The following TPT1 variants were observed in gnomAD, a reference collection of about 807,000 sequenced individuals.
TPT1 encodes tumor protein, translationally-controlled 1.
A neutral mutation model predicts 22.8 loss-of-function variants in TPT1; 5 were observed. The ratio of observed to expected loss-of-function variants is 0.22; its 90% CI spans 0.11 to 0.46. The LOEUF is 0.46. TPT1 is among the 20% of genes least tolerant of loss of function. TPT1 has a pLI of 0.99. For synonymous variants in TPT1, 89 were observed against 73.6 expected, an observed-to-expected ratio of 1.21 and a Z score of -1.07; for missense variants, 130 against 218.7, an observed-to-expected ratio of 0.59 and a Z score of 2.56.
chr13:45,338,544 T>C, intron 5 of TPT1, 116 bp downstream of exon 5: 1 of 1,470,492 alleles, frequency 6.8e-7, no homozygotes, highest in Non-Finnish European at 9.0e-7. Context: ...AAGAGAAAAC[T>C]AAAACCATGT....
chr13:45,337,595 T>C lies in TPT1; in HGVS notation c.517-207A>G, dbSNP rs1166977461. The C allele has an allele frequency of 5.0e-6, 8 of 1,595,884 alleles. No homozygotes were observed. In the Admixed American group the frequency reaches 1.2e-4, roughly 23 times the overall value. ...GAACAACAGTAAATTGTTCAAGGTC[T>C]ATCAGTGGATGCAGAACACCCTTAC... On this transcript the variant is annotated intron_variant, in intron 5 of 5. Transcript: ENST00000530705.
At chr13:45,339,452 G>A (rs759775022) in intron 4 of TPT1, 45 bp downstream of exon 4, 1 of 1,548,066 alleles carries the variant, frequency 6.5e-7, no homozygotes, top group Non-Finnish European at 8.8e-7. Context: ...TGCTCTTGCA[G>A]TTAAAATTGT....
intron 5 of TPT1, 148 bp from the exon 6 acceptor site, chr13:45,337,536 A>G: frequency 6.2e-7 from 1 of 1,613,026 alleles, no homozygotes; most frequent in East Asian, 2.2e-5. Flanking sequence ...AAGCGCAGGG[A>G]TTTCTTTCTT....
intron 2 of TPT1, 153 bp from the exon 3 acceptor site, chr13:45,340,337 T>C (rs1436987060): frequency 9.4e-7 from 1 of 1,068,204 alleles, no homozygotes; most frequent in Admixed American, 2.1e-5. Context: ...CGTGGATTTC[T>C]CAAAACGACC....
intron 3 of TPT1, 147 bp from the exon 4 acceptor site, chr13:45,339,749 T>C: frequency 1.3e-6 from 1 of 780,496 alleles, no homozygotes; most frequent in Non-Finnish European, 2.0e-6. Flanking sequence ...AAGGTATCTT[T>C]CAAGAATGTT....
rs57569042 is a variant in TPT1 at position 45,338,063 on chromosome 13, AAGTG to A, written c.516+593_516+596del. On this transcript the variant is annotated intron_variant, in intron 5 of 5. Coordinates refer to ENST00000530705, the MANE Select transcript of TPT1 (RefSeq NM_003295.4). The stretch of plus-strand genomic sequence containing the variant: ...ACAGCAAAATATGATTATGAAGTGA[AAGTG>A]AGGCCATATCTAGAGGAAGATCAAT... 627 of 162,132 alleles carry A rather than the reference AAGTG, an allele frequency of 3.9e-3. 5 individuals are homozygous for A. Among genetic ancestry groups the A allele is most frequent in the African/African-American group, 0.015 (615 of 41,682 alleles). The allele number at this position is 162,132 out of a possible 1,614,324, so 10.0% of individuals were successfully genotyped here. A position where few individuals can be genotyped will look rare whatever the true frequency, so the allele number is the denominator to read the frequency against.
chr13:45,339,426 T>G, intron 4 of TPT1, 71 bp downstream of exon 4: 1 of 1,381,672 alleles, frequency 7.2e-7, no homozygotes, highest in Admixed American at 1.9e-5. Context: ...AATTGAAGAT[T>G]AATCAACTTA....
intron 4 of TPT1, chr13:45,339,159 T>TA: frequency 6.6e-6 from 2 of 301,336 alleles, no homozygotes; most frequent in Middle Eastern, 9.8e-4. Context: ...GCTGGAAAAT[T>TA]AGAGGAAAGG....
In TPT1 at chr13:45,337,351, G is replaced by A. The variant is rs1284431521; in HGVS notation, c.*35C>T. ...ATGACAAGCAGAAGCCAGTTATGAT[G>A]ACAGGTGATAGATCCAAAATAATTG... On this transcript the variant is annotated 3_prime_UTR_variant, in exon 6 of 6. Coordinates refer to ENST00000530705, the MANE Select transcript of TPT1 (RefSeq NM_003295.4). 1.2e-6 allele frequency: 2 copies of A among 1,609,302 alleles called. No homozygotes were observed. The highest frequency in any genetic ancestry group is 2.2e-5 in the East Asian group (1 of 44,848).
intron 4 of TPT1, chr13:45,339,123 T>C: frequency 3.3e-6 from 1 of 302,022 alleles, no homozygotes; most frequent in East Asian, 6.6e-5. Context: ...AGTCTGGAAG[T>C]ATCTTATGGC....
At chr13:45,338,316 C>T (rs1389817610) in intron 5 of TPT1, 3 of 290,262 alleles carry the variant, frequency 1.0e-5, no homozygotes, top group African/African-American at 4.4e-5. Flanking sequence ...GATAGGGTTT[C>T]GCCATGTTGG....
chr13:45,340,829 G>GCCATTTCCC (rs1879065683), intron 1 of TPT1, 44 bp from the exon 2 acceptor site: 1 of 1,494,116 alleles, frequency 6.7e-7, no homozygotes. Flanking sequence ...GCCTGGCGCC[G>GCCATTTCCC]CCATTTCCCG....
intron 2 of TPT1, 45 bp downstream of exon 2, chr13:45,340,667 C>A (rs746566881): frequency 6.5e-7 from 1 of 1,549,940 alleles, no homozygotes; most frequent in South Asian, 1.2e-5. Context: ...GAAACCCGAG[C>A]CCGCTCGGCC....
chr13:45,341,167 G>A lies in TPT1; in HGVS notation c.-98C>T, dbSNP rs1377007086. The A allele has an allele frequency of 7.1e-6, 11 of 1,539,026 alleles. No homozygotes were observed. The highest frequency in any genetic ancestry group is 9.7e-6 in the Non-Finnish European group (11 of 1,131,746). ...GCCGGAGCGGCGCTCGGGGGGAGGG[G>A]GGAGCGGGCGGAAAAGGCCGACTCA... is the stretch of plus-strand genomic sequence containing the variant. On this transcript the variant is annotated 5_prime_UTR_variant, in exon 1 of 6. Transcript: ENST00000530705.
chr13:45,341,111 C>G lies in TPT1; in HGVS notation c.-42G>C, dbSNP rs763788350. 11 of 1,609,896 alleles carry G rather than the reference C, an allele frequency of 6.8e-6. No individual in the cohort carries two copies. The highest frequency in any genetic ancestry group is 2.2e-5 in the East Asian group (1 of 44,666). On this transcript the variant is annotated 5_prime_UTR_variant, in exon 1 of 6. Coordinates refer to ENST00000530705, the MANE Select transcript of TPT1 (RefSeq NM_003295.4). The stretch of plus-strand genomic sequence containing the variant: ...AGACGACGACGGCGCTAGCTTAGCA[C>G]GAGCCTGAAACTCGGAGCGAGCGCG...
At position 45,334,312 on chromosome 13, in the gene TPT1, C is replaced by T. The variant is rs1878542432; in HGVS notation, c.*3074G>A. Reference sequence around the variant, plus strand: ...GTGCAGTGGGAGCACCTCTTAATTACCTTTGTTGGTTTCTCTTTGTCAACC... The same window carrying T: ...GTGCAGTGGGAGCACCTCTTAATTATCTTTGTTGGTTTCTCTTTGTCAACC... On this transcript the variant is annotated 3_prime_UTR_variant, in exon 6 of 6. Transcript: ENST00000530705. The T allele has an allele frequency of 6.6e-6, 1 of 152,230 alleles. No homozygotes were observed. Among genetic ancestry groups the T allele is most frequent in the Non-Finnish European group, 1.5e-5 (1 of 68,058 alleles). The allele number at this position is 152,230 out of a possible 1,614,324, so 9.4% of individuals were successfully genotyped here. A position where few individuals can be genotyped will look rare whatever the true frequency, so the allele number is the denominator to read the frequency against.
chr13:45,338,672 T>C lies in TPT1; in HGVS notation c.504A>G (p.Glu168=). The C allele has an allele frequency of 6.2e-7, 1 of 1,613,346 alleles. No homozygotes were observed. The highest frequency in any genetic ancestry group is 8.5e-7 in the Non-Finnish European group (1 of 1,179,830). The change falls in exon 5 of 6, where the codon GAA becomes GAG. Residue 168 remains glutamate, a synonymous_variant. Coordinates refer to ENST00000530705, the MANE Select transcript of TPT1 (RefSeq NM_003295.4). ...PYMIFFKDGL[E]MEKC ...TCCTTGTACTTACACATTTTTCCAT[T>C]TCTAAACCATCCTTAAAGAAAATCA...
intron 2 of TPT1, chr13:45,340,501 G>A (rs1026615912): frequency 2.1e-5 from 16 of 761,976 alleles, no homozygotes; most frequent in Non-Finnish European, 3.0e-5. Context: ...TCATGTCCCG[G>A]ACAACCCCGG....
At chr13:45,339,002 G>A in intron 4 of TPT1, 1 of 424,282 alleles carries the variant, frequency 2.4e-6, no homozygotes, top group Non-Finnish European at 4.1e-6. Flanking sequence ...GGAACACTAG[G>A]CTTTCAGGAA....
Sources: gnomAD v4.1 joint callset for allele counts on GRCh38, gnomAD v4.1.1 for gene constraint, MANE v1.5 for transcripts, NCBI Gene and HGNC (gene_info 2026-07-23, HGNC 2026-07-21) for gene names.